Variants in MGST1 observed in about 807,000 individuals in gnomAD.
MGST1 encodes microsomal glutathione S-transferase 1.
Under a neutral mutation model 8.9 loss-of-function variants are expected in MGST1, and 5 were observed. The observed-to-expected ratio is 0.56, with a 90% CI of 0.29 to 1.19. The LOEUF is 1.19. Ranked by LOEUF, MGST1 falls within the 50% of genes most tolerant of loss-of-function variation. The pLI, the probability that MGST1 is intolerant of heterozygous loss-of-function variation, is 0.08. For synonymous variants in MGST1, 54 were observed against 67.8 expected, an observed-to-expected ratio of 0.80 and a Z score of 1.00; for missense variants, 182 against 187.4, an observed-to-expected ratio of 0.97 and a Z score of 0.17.
At position 16,548,741 on chromosome 12, in the gene MGST1, A is replaced by G. The variant is rs1054262820; in HGVS notation, n.483-40787A>G. 1.3e-5 allele frequency: 2 copies of G among 152,124 alleles called. No homozygotes were observed. The highest frequency in any genetic ancestry group is 1.3e-4 in the Admixed American group (2 of 15,266). The allele number at this position is 152,124 out of a possible 1,614,324, so 9.4% of individuals were successfully genotyped here. ...GTACTTCAGGTCAATAAATGCTACAATTTATGGGCAATTAGCTGTAAAATG... is the reference window on the plus strand; with the variant it reads ...GTACTTCAGGTCAATAAATGCTACAGTTTATGGGCAATTAGCTGTAAAATG... On this transcript the variant is annotated intron_variant and non_coding_transcript_variant, in intron 4 of 4. Coordinates refer to the MGST1 transcript ENST00000538857. This position sits in a 1 kb window ranked among gnomAD's most constrained non-coding sequence, Gnocchi z 4.2.
At chr12:16,388,221 A>G (rs1192253191) in intron 1 of MGST1, among the ~76,000 whole-genome samples, 1 of 152,020 alleles carries the variant, frequency 6.6e-6, no homozygotes, top group African/African-American at 2.4e-5. Flanking sequence ...TTGTAACACA[A>G]TGGTAAGTAT....
intron 4 of MGST1, among the ~76,000 whole-genome samples, chr12:16,539,779 A>G (rs1272959465): frequency 6.6e-6 from 1 of 152,166 alleles, no homozygotes; most frequent in African/African-American, 2.4e-5. Flanking sequence ...TTCCACTTAT[A>G]TGGAGCTCAG....
chr12:16,516,222 C>G lies in MGST1; in HGVS notation n.483-73306C>G, dbSNP rs1051833836. The stretch of plus-strand genomic sequence containing the variant: ...GGGCGCTTCACACAAAAGAGTCTGA[C>G]ACATCTTTTACATCCTAGCTCAAGC... On this transcript the variant is annotated intron_variant and non_coding_transcript_variant, in intron 4 of 4. Coordinates refer to the MGST1 transcript ENST00000538857. Among the ~76,000 whole-genome samples the G allele has an allele frequency of 2.6e-5, 4 of 152,176 alleles. No individual in the cohort carries two copies. The East Asian group carries it at 7.7e-4, about 29-fold the overall frequency.
intron 4 of MGST1, among the ~76,000 whole-genome samples, chr12:16,475,616 G>T (rs1332336704): frequency 1.3e-5 from 2 of 152,146 alleles, no homozygotes; most frequent in Non-Finnish European, 2.9e-5. Context: ...CTTAAGAGAG[G>T]AGTGGAGTAG....
chr12:16,506,206 CT>C (rs1941537023), intron 4 of MGST1, among the ~76,000 whole-genome samples: 1 of 152,164 alleles, frequency 6.6e-6, no homozygotes, highest in African/African-American at 2.4e-5. Flanking sequence ...ACAATAGCCA[CT>C]GTCAACATGC....
At chr12:16,376,358 T>C (rs1940380454) in exon 4 of MGST1, 1 of 403,850 alleles carries the variant, frequency 2.5e-6, no homozygotes, top group African/African-American at 2.1e-5. Flanking sequence ...AAGTACCCAA[T>C]ACCATCTATG....
At chr12:16,353,764 T>TG (rs1232884226) in intron 1 of MGST1, among the ~76,000 whole-genome samples, 1 of 140,318 alleles carries the variant, frequency 7.1e-6, no homozygotes, top group Non-Finnish European at 1.6e-5. Context: ...ATACTTTTTT[T>TG]TTTTTTTTTT....
Position 16,416,036 on chromosome 12 carries a change from G to A in MGST1, n.779-21352G>A, listed in dbSNP as rs117782539. ...TTAGTAGTCCTTTTCATGTGCATTT[G>A]TATATAATCAAATAGTTGCCTTTAC... On this transcript the variant is annotated intron_variant and non_coding_transcript_variant, in intron 1 of 1. Transcript: ENST00000359720. 4.2e-3 allele frequency among the ~76,000 whole-genome samples: 637 copies of A among 152,196 alleles called. 7 individuals are homozygous for A. The highest frequency in any genetic ancestry group is 0.032 in the East Asian group (164 of 5,178).
intron 4 of MGST1, among the ~76,000 whole-genome samples, chr12:16,526,813 T>G (rs1057050607): frequency 2.6e-5 from 4 of 151,960 alleles, no homozygotes; most frequent in African/African-American, 9.7e-5. Context: ...TGCCAAAATC[T>G]GGAAAAAGTG....
chr12:16,473,242 A>G (rs1941299336), intron 4 of MGST1, among the ~76,000 whole-genome samples: 1 of 152,154 alleles, frequency 6.6e-6, no homozygotes, highest in South Asian at 2.1e-4. Flanking sequence ...TTCTATTGTC[A>G]ACACTGTGGG....
intron 1 of MGST1, among the ~76,000 whole-genome samples, chr12:16,414,654 A>T (rs894944027): frequency 1.3e-5 from 2 of 151,948 alleles, no homozygotes; most frequent in African/African-American, 4.8e-5. Flanking sequence ...TGACCTCGTG[A>T]TCCACCCACC....
intron 1 of MGST1, among the ~76,000 whole-genome samples, chr12:16,437,132 T>G (rs1321970351): frequency 6.6e-6 from 1 of 151,886 alleles, no homozygotes; most frequent in Non-Finnish European, 1.5e-5. Flanking sequence ...GAACTCATAT[T>G]AGTCCTGGGA....
intron 4 of MGST1, among the ~76,000 whole-genome samples, chr12:16,459,441 T>A (rs1941203026): frequency 6.6e-6 from 1 of 152,168 alleles, no homozygotes; most frequent in Non-Finnish European, 1.5e-5. Context: ...ATAAACATTA[T>A]TTCCTTTCTC....
At chr12:16,470,472 C>T (rs1358124068) in intron 4 of MGST1, among the ~76,000 whole-genome samples, 1 of 152,178 alleles carries the variant, frequency 6.6e-6, no homozygotes, top group Non-Finnish European at 1.5e-5. Context: ...GTAAGTTGAT[C>T]AGTTTGGTCT....
At chr12:16,368,832 A>AT (rs1046326181), downstream of MGST1, among the ~76,000 whole-genome samples, 26 of 152,172 alleles carry the variant, frequency 1.7e-4, no homozygotes, top group African/African-American at 6.3e-4. Context: ...AGAGTAGACC[A>AT]TTTAAGTTAT....
At chr12:16,592,948 G>A (rs1943539980), downstream of MGST1, among the ~76,000 whole-genome samples, 1 of 151,706 alleles carries the variant, frequency 6.6e-6, no homozygotes, top group Admixed American at 6.6e-5. Context: ...TTAGAAACTA[G>A]GAGTAAAGTA....
rs200365871 is a variant in MGST1 at position 16,490,040 on chromosome 12, T to A, written n.483-99488T>A. 8.5e-5 allele frequency among the ~76,000 whole-genome samples: 13 copies of A among 152,054 alleles called. No homozygotes were observed. In the East Asian group the frequency reaches 1.5e-3, roughly 18 times the overall value. ...CACTTTGGAGGCCTAGGTGGGAAAATCTCTTGAGCTTAAGAGTTCAAGACC... is the reference window on the plus strand; with the variant it reads ...CACTTTGGAGGCCTAGGTGGGAAAAACTCTTGAGCTTAAGAGTTCAAGACC... On this transcript the variant is annotated intron_variant and non_coding_transcript_variant, in intron 4 of 4. Transcript: ENST00000538857.
At position 16,527,706 on chromosome 12, in the gene MGST1, G is replaced by A. The variant is rs975303501; in HGVS notation, n.483-61822G>A. 6.6e-5 allele frequency among the ~76,000 whole-genome samples: 10 copies of A among 151,982 alleles called. 1 individual carries two copies. Among genetic ancestry groups the A allele is most frequent in the Admixed American group, 6.6e-4 (10 of 15,240 alleles). On this transcript the variant is annotated intron_variant and non_coding_transcript_variant, in intron 4 of 4. Coordinates refer to the MGST1 transcript ENST00000538857. ...CTACCAAACTTCAAGTGTACATCAT[G>A]GGGAATAATAATAATAAGTCATCAG...
intron 4 of MGST1, among the ~76,000 whole-genome samples, chr12:16,569,014 T>C (rs956260748): frequency 6.6e-6 from 1 of 152,214 alleles, no homozygotes; most frequent in Non-Finnish European, 1.5e-5. Context: ...TCTCATAATC[T>C]GAAATAGATG....
Sources: gnomAD v4.1 joint callset for allele counts (sites outside exome capture counted in the v4.1 genomes callset) on GRCh38, gnomAD v4.1.1 for gene constraint, Gnocchi (gnomAD v3.1) non-coding constraint, MANE v1.5 for transcripts, NCBI Gene and HGNC (gene_info 2026-07-23, HGNC 2026-07-21) for gene names.